The following PCDHGA3 variants were observed in gnomAD, a reference collection of about 807,000 sequenced individuals.
The protein encoded by PCDHGA3 is protocadherin gamma-A3.
Under a neutral mutation model 58.5 loss-of-function variants are expected in PCDHGA3, and 40 were observed. The ratio of observed to expected loss-of-function variants is 0.68; its 90% CI spans 0.53 to 0.89. The LOEUF (loss-of-function observed/expected upper bound fraction) is 0.89. Ranked by LOEUF, PCDHGA3 falls within the 40% of genes least tolerant of loss-of-function variation. PCDHGA3 has a pLI of 0.00. For synonymous variants in PCDHGA3, 530 were observed against 525.7 expected (o/e 1.01, Z -0.11); for missense variants, 1,223 against 1,195.9 (o/e 1.02, Z -0.33).
chr5:141,395,643 T>A (rs2150633577), intron 1 of PCDHGA3: 1 of 171,018 alleles, frequency 5.8e-6, no homozygotes, highest in East Asian at 1.7e-4. Flanking sequence ...GCCTTGTTAT[T>A]AGCTTAGCAA....
chr5:141,448,974 C>T (rs937711828), intron 1 of PCDHGA3, among the ~76,000 whole-genome samples: 5 of 151,994 alleles, frequency 3.3e-5, no homozygotes, highest in African/African-American at 1.2e-4. Context: ...CAAAAAAGAA[C>T]TTCCATATTA....
At chr5:141,348,779 A>C (rs532009905) in intron 1 of PCDHGA3, among the ~76,000 whole-genome samples, 1 of 152,352 alleles carries the variant, frequency 6.6e-6, no homozygotes, top group Non-Finnish European at 1.5e-5. Flanking sequence ...GCAAGGAAAC[A>C]AGTGAAAAGG....
Position 141,491,349 on chromosome 5 carries a change from C to G in PCDHGA3, c.2425-3458C>G. 6.2e-7 allele frequency: 1 copy of G among 1,614,168 alleles called. No individual in the cohort carries two copies. Among genetic ancestry groups the G allele is most frequent in the Non-Finnish European group, 8.5e-7 (1 of 1,180,016 alleles). ...TTGTGGCTCTAGCGACCGTCAGTCT[C>G]TTATCCCTAGTCACCTTCACCTTTC... is the stretch of plus-strand genomic sequence containing the variant. On this transcript the variant is annotated intron_variant, in intron 1 of 3. Transcript: ENST00000253812. The surrounding 1 kb of genome is among the most constrained non-coding windows in gnomAD (Gnocchi z 6.9).
chr5:141,461,921 T>G (rs2099026403), intron 1 of PCDHGA3, among the ~76,000 whole-genome samples: 1 of 152,222 alleles, frequency 6.6e-6, no homozygotes, highest in Non-Finnish European at 1.5e-5. Flanking sequence ...CCTCCTGGGT[T>G]CCAGCAATTC....
chr5:141,385,633 G>A (rs2090306772), intron 1 of PCDHGA3: 9 of 905,286 alleles, frequency 9.9e-6, no homozygotes, highest in Non-Finnish European at 1.3e-5. Flanking sequence ...AATGAATCGA[G>A]TCTTTCATAT....
At position 141,477,269 on chromosome 5, in the gene PCDHGA3, G is replaced by A; in HGVS notation, c.2425-17538G>A. On this transcript the variant is annotated intron_variant, in intron 1 of 3. Coordinates refer to ENST00000253812, the MANE Select transcript of PCDHGA3 (RefSeq NM_018916.4). This position sits in a 1 kb window ranked among gnomAD's most constrained non-coding sequence, Gnocchi z 4.9. Reference sequence around the variant, plus strand: ...GACTGACCTGGATGCTGGCGAGAACGGGCTGGTGACCTGCGAAGTTCCACC... The same window carrying A: ...GACTGACCTGGATGCTGGCGAGAACAGGCTGGTGACCTGCGAAGTTCCACC... 1.9e-6 allele frequency: 3 copies of A among 1,614,154 alleles called. No individual in the cohort carries two copies. Among genetic ancestry groups the A allele is most frequent in the Non-Finnish European group, 2.5e-6 (3 of 1,180,030 alleles).
intron 1 of PCDHGA3, chr5:141,475,845 G>C: frequency 4.5e-6 from 2 of 448,002 alleles, no homozygotes; most frequent in Non-Finnish European, 7.9e-6. Context: ...TGCTCAGAGA[G>C]CCCGGCGCTA....
At chr5:141,366,570 G>C (rs373636717) in intron 1 of PCDHGA3, 3 of 1,614,218 alleles carry the variant, frequency 1.9e-6, no homozygotes, top group Admixed American at 3.3e-5. Context: ...GATGGGGTTC[G>C]GGCTTTCCTG....
At chr5:141,505,532 G>A in intron 3 of PCDHGA3, 51 bp downstream of exon 3, 2 of 1,611,270 alleles carry the variant, frequency 1.2e-6, no homozygotes, top group Non-Finnish European at 1.7e-6. Context: ...GGGGTTCTGG[G>A]GTGCATCTCA....
chr5:141,406,998 A>T (rs138992041), intron 1 of PCDHGA3, among the ~76,000 whole-genome samples: 1 of 152,234 alleles, frequency 6.6e-6, no homozygotes, highest in Non-Finnish European at 1.5e-5. Context: ...ATTTGAAAAT[A>T]AGCTTTGAAG....
intron 1 of PCDHGA3, chr5:141,410,073 G>T: frequency 6.2e-7 from 1 of 1,612,940 alleles, no homozygotes; most frequent in South Asian, 1.1e-5. Context: ...CTGCGCACTG[G>T]GGAGGTGCGC....
At chr5:141,428,750 C>G (rs1282306626) in intron 1 of PCDHGA3, 1 of 154,730 alleles carries the variant, frequency 6.5e-6, no homozygotes, top group African/African-American at 2.4e-5. Flanking sequence ...ACTATTGCTT[C>G]AGGTTTGTTT....
chr5:141,419,469 A>G, intron 1 of PCDHGA3: 1 of 1,612,490 alleles, frequency 6.2e-7, no homozygotes, highest in South Asian at 1.1e-5. Context: ...GCCCGCGACC[A>G]GGGCTCGCCC....
intron 1 of PCDHGA3, chr5:141,403,221 T>G (rs899056141): frequency 1.3e-5 from 21 of 1,613,974 alleles, no homozygotes; most frequent in Non-Finnish European, 1.8e-5. Flanking sequence ...GCGGGTAGGA[T>G]AGACCGGGAG....
Position 141,489,368 on chromosome 5 carries a change from C to T in PCDHGA3, c.2425-5439C>T, listed in dbSNP as rs889945954. The T allele has an allele frequency of 1.2e-5, 20 of 1,613,264 alleles. No homozygotes were observed. The highest frequency in any genetic ancestry group is 1.6e-5 in the Non-Finnish European group (19 of 1,179,484). On this transcript the variant is annotated intron_variant, in intron 1 of 3. Transcript: ENST00000253812. The surrounding 1 kb of genome is among the most constrained non-coding windows in gnomAD (Gnocchi z 4.5). The stretch of plus-strand genomic sequence containing the variant: ...GTGGTGGAGGAGTCTGAGCCGGGGA[C>T]GCTGGTGGGGAATGTTGCTCAGGAT...
At chr5:141,421,583 G>A (rs765321947) in intron 1 of PCDHGA3, 1 of 1,613,796 alleles carries the variant, frequency 6.2e-7, no homozygotes, top group African/African-American at 1.3e-5. Context: ...AAGATTTACG[G>A]AGTGGAGGTG....
At chr5:141,371,809 C>A (rs1768063576) in intron 1 of PCDHGA3, 2 of 1,613,792 alleles carry the variant, frequency 1.2e-6, no homozygotes. Flanking sequence ...GCCTCCATTG[C>A]GCATGTCAGA....
At position 141,497,209 on chromosome 5, in the gene PCDHGA3, T is replaced by TG. The variant is rs11343387; in HGVS notation, c.2483+2353dup. On this transcript the variant is annotated intron_variant, in intron 2 of 3. Coordinates refer to ENST00000253812, the MANE Select transcript of PCDHGA3 (RefSeq NM_018916.4). ...GAGGCAGAGAACAATGTGAGTGTAA[T>TG]GGGGGGGGGAAGATCAGAGAAGGCT... Among the ~76,000 whole-genome samples the TG allele has an allele frequency of 1.3e-3, 196 of 151,342 alleles. 1 individual carries two copies. The South Asian group carries it at 0.02, about 15-fold the overall frequency.
chr5:141,468,443 G>A (rs760789357), intron 1 of PCDHGA3: 6 of 152,124 alleles, frequency 3.9e-5, no homozygotes, highest in Non-Finnish European at 8.8e-5. Context: ...AAATGTGGGT[G>A]CAAAATTAAA....
Sources: allele counts gnomAD v4.1 joint callset (sites outside exome capture counted in the v4.1 genomes callset), GRCh38; gene constraint gnomAD v4.1.1; non-coding constraint Gnocchi (gnomAD v3.1); transcripts MANE v1.5; gene names NCBI Gene and HGNC (gene_info 2026-07-23, HGNC 2026-07-21).